Variants in SMYD3 observed in about 807,000 individuals in gnomAD.
SMYD3 encodes histone-lysine N-methyltransferase SMYD3.
Under a neutral mutation model 57.7 loss-of-function variants are expected in SMYD3, and 36 were observed. The observed-to-expected ratio is 0.62, with a 90% CI of 0.48 to 0.82. SMYD3 has a LOEUF of 0.82. SMYD3 is among the 40% of genes least tolerant of loss of function. SMYD3 has a pLI of 0.00. For missense variants in SMYD3, 515 were observed against 538.8 expected (o/e 0.96, Z 0.44); for synonymous variants, 211 against 195.0 (o/e 1.08, Z -0.68).
chr1:246,352,394 T>G (rs2065845686), intron 2 of SMYD3, among the ~76,000 whole-genome samples: 1 of 152,228 alleles, frequency 6.6e-6, no homozygotes. Flanking sequence ...CAAGTGCTTT[T>G]GCGTTCTGTT....
At chr1:246,271,698 T>C (rs1038425637) in intron 5 of SMYD3, among the ~76,000 whole-genome samples, 1 of 152,244 alleles carries the variant, frequency 6.6e-6, no homozygotes, top group Non-Finnish European at 1.5e-5. Flanking sequence ...TTGGTCACAG[T>C]AGCTTCTTAG....
chr1:246,218,964 A>C (rs1034435831), intron 5 of SMYD3, among the ~76,000 whole-genome samples: 2 of 152,142 alleles, frequency 1.3e-5, no homozygotes, highest in African/African-American at 4.8e-5. Flanking sequence ...AGGGATGTAG[A>C]TCTCCATTTC....
intron 5 of SMYD3, among the ~76,000 whole-genome samples, chr1:246,125,012 C>CGGTG (rs1309406991): frequency 6.7e-6 from 1 of 148,854 alleles, no homozygotes; most frequent in African/African-American, 2.5e-5. Flanking sequence ...GCGGAGCTTG[C>CGGTG]AGTGAGCCGA....
chr1:246,413,646 C>T (rs2067011847), intron 1 of SMYD3, among the ~76,000 whole-genome samples: 1 of 151,990 alleles, frequency 6.6e-6, no homozygotes, highest in African/African-American at 2.4e-5. Flanking sequence ...GTGTATGATG[C>T]CCCACCCCCA....
chr1:245,943,262 G>A (rs1373392366), intron 5 of SMYD3, among the ~76,000 whole-genome samples: 4 of 147,940 alleles, frequency 2.7e-5, no homozygotes, highest in African/African-American at 1.0e-4. Context: ...GACTTAAAAA[G>A]GGAGAGGAAT....
At chr1:246,339,025 A>C (rs1179154222) in intron 2 of SMYD3, among the ~76,000 whole-genome samples, 1 of 152,110 alleles carries the variant, frequency 6.6e-6, no homozygotes, top group Non-Finnish European at 1.5e-5. Flanking sequence ...CTTGTTTATA[A>C]TTGTCTGAGC....
At chr1:246,131,335 C>T (rs1237656398) in intron 5 of SMYD3, among the ~76,000 whole-genome samples, 1 of 152,042 alleles carries the variant, frequency 6.6e-6, no homozygotes, top group Non-Finnish European at 1.5e-5. Flanking sequence ...GAAATGTTTG[C>T]TAAATGAAAG....
chr1:246,311,653 ACGCGCACG>A (rs2065081895), intron 5 of SMYD3, among the ~76,000 whole-genome samples: 1 of 152,128 alleles, frequency 6.6e-6, no homozygotes, highest in South Asian at 2.1e-4. Context: ...GCATACACAC[ACGCGCACG>A]CGCGCACACA....
intron 1 of SMYD3, among the ~76,000 whole-genome samples, chr1:246,448,892 C>T (rs541748851): frequency 7.3e-4 from 111 of 151,992 alleles, no homozygotes; most frequent in Non-Finnish European, 1.5e-3. Context: ...CAGGAACAGC[C>T]TACAAACAGG....
At chr1:245,758,353 A>G (rs1051405087) in intron 11 of SMYD3, among the ~76,000 whole-genome samples, 7 of 151,788 alleles carry the variant, frequency 4.6e-5, no homozygotes, top group African/African-American at 1.5e-4. Context: ...AGATAATTTT[A>G]TTTCTTCCTT....
chr1:246,027,204 A>C (rs1433140687), intron 5 of SMYD3, among the ~76,000 whole-genome samples: 1 of 152,230 alleles, frequency 6.6e-6, no homozygotes, highest in Non-Finnish European at 1.5e-5. Flanking sequence ...ATGAGGTTTA[A>C]GGAAAGAAGC....
At chr1:246,366,329 A>C (rs2066101975) in intron 1 of SMYD3, among the ~76,000 whole-genome samples, 1 of 152,234 alleles carries the variant, frequency 6.6e-6, no homozygotes, top group South Asian at 2.1e-4. Flanking sequence ...CTAAATAAAT[A>C]AATCTAAATT....
chr1:246,393,927 G>A (rs1393061013), intron 1 of SMYD3, among the ~76,000 whole-genome samples: 1 of 152,100 alleles, frequency 6.6e-6, no homozygotes, highest in East Asian at 1.9e-4. Flanking sequence ...GACATCTATG[G>A]TGAAAATTGA....
intron 8 of SMYD3, among the ~76,000 whole-genome samples, chr1:245,901,931 T>C (rs755653136): frequency 7.9e-5 from 12 of 152,162 alleles, no homozygotes; most frequent in Non-Finnish European, 1.8e-4. Flanking sequence ...GAGCCTAGTA[T>C]AGGGAGTTGA....
In SMYD3 at chr1:245,960,381, C is replaced by T. The variant is rs371697333; in HGVS notation, c.532-30444G>A. 5.8e-4 allele frequency among the ~76,000 whole-genome samples: 89 copies of T among 152,276 alleles called. 1 individual carries two copies. Among genetic ancestry groups the T allele is most frequent in the African/African-American group, 2.0e-3 (84 of 41,556 alleles). On this transcript the variant is annotated intron_variant, in intron 5 of 11. Coordinates refer to ENST00000490107, the MANE Select transcript of SMYD3 (RefSeq NM_001167740.2). ...GCAGACAATTTAGGTCAAGGGACAACAATCTATTTTTCTGCCTGAAAATGA... is the reference window on the plus strand; with the variant it reads ...GCAGACAATTTAGGTCAAGGGACAATAATCTATTTTTCTGCCTGAAAATGA...
intron 10 of SMYD3, among the ~76,000 whole-genome samples, chr1:245,825,547 C>T (rs1411075947): frequency 6.6e-6 from 1 of 152,088 alleles, no homozygotes; most frequent in African/African-American, 2.4e-5. Flanking sequence ...GCTCACTAGG[C>T]GGGCCGAGGC....
intron 2 of SMYD3, among the ~76,000 whole-genome samples, chr1:246,349,721 G>A (rs1323815468): frequency 1.3e-5 from 2 of 152,084 alleles, no homozygotes; most frequent in Non-Finnish European, 2.9e-5. Flanking sequence ...ACTTGGATTC[G>A]TCGTAAATGT....
chr1:245,803,717 G>C (rs1427547265), intron 10 of SMYD3, among the ~76,000 whole-genome samples: 1 of 152,152 alleles, frequency 6.6e-6, no homozygotes, highest in Non-Finnish European at 1.5e-5. Context: ...GTTAACAAAA[G>C]CTGGAAGGAA....
chr1:245,856,790 G>A (rs549356992), intron 10 of SMYD3, among the ~76,000 whole-genome samples: 1 of 152,284 alleles, frequency 6.6e-6, no homozygotes, highest in East Asian at 1.9e-4. Context: ...TCAGTGCAGC[G>A]CTAGCCAAGA....
Sources: allele counts gnomAD v4.1 joint callset (sites outside exome capture counted in the v4.1 genomes callset), GRCh38; gene constraint gnomAD v4.1.1; transcripts MANE v1.5; gene names NCBI Gene and HGNC (gene_info 2026-07-23, HGNC 2026-07-21).